Variants in KIAA0319L observed in about 807,000 individuals in gnomAD.
KIAA0319L encodes the protein KIAA0319 like.
In KIAA0319L, 55 loss-of-function variants were observed where a neutral mutation model predicts 120.1. That is an observed-to-expected ratio of 0.46 (90% CI 0.37 to 0.57). KIAA0319L has a LOEUF of 0.57. KIAA0319L is among the 20% of genes least tolerant of loss of function. KIAA0319L has a pLI of 0.00. For synonymous variants in KIAA0319L, 398 were observed against 471.9 expected, an observed-to-expected ratio of 0.84 and a Z score of 2.03; for missense variants, 1,049 against 1,255.3, an observed-to-expected ratio of 0.84 and a Z score of 2.48.
At chr1:35,470,713 T>A in intron 6 of KIAA0319L, 150 bp downstream of exon 6, 1 of 612,298 alleles carries the variant, frequency 1.6e-6, no homozygotes, top group Admixed American at 2.6e-5. Context: ...CACTAACAAA[T>A]ACTGGATGTC....
At chr1:35,530,525 T>C (rs1646323609) in intron 2 of KIAA0319L, among the ~76,000 whole-genome samples, 1 of 152,218 alleles carries the variant, frequency 6.6e-6, no homozygotes, top group African/African-American at 2.4e-5. Flanking sequence ...TGTGTTCCCA[T>C]GCATATCACT....
Position 35,479,124 on chromosome 1 carries a change from G to A in KIAA0319L, c.755C>T (p.Pro252Leu), listed in dbSNP as rs920745651. The A allele has an allele frequency of 3.7e-6, 6 of 1,614,020 alleles. No individual in the cohort carries two copies. Among genetic ancestry groups the A allele is most frequent in the Non-Finnish European group, 3.4e-6 (4 of 1,180,026 alleles). ...SGGPKNVSVQ[P>L]EISEGLATTP... is the part of the protein sequence containing the mutation. ...AGTAGCAAGACCCTCTGATATTTCA[G>A]GTTGCACTGATACATTCTTTGGCCC... Residue 252 changes from proline to leucine, a missense_variant, in exon 4 of 21, where the codon CCT becomes CTT. Transcript: ENST00000325722.
chr1:35,537,194 C>T (rs1012016171), intron 2 of KIAA0319L, among the ~76,000 whole-genome samples: 8 of 152,098 alleles, frequency 5.3e-5, no homozygotes, highest in Non-Finnish European at 1.2e-4. Context: ...TCTACCAATT[C>T]CCTGTGTAGC....
At chr1:35,510,579 TA>T (rs1645392764) in intron 2 of KIAA0319L, 1 of 146,126 alleles carries the variant, frequency 6.8e-6, no homozygotes, top group Non-Finnish European at 1.5e-5. Context: ...ATAAGCCTTT[TA>T]AAAACATTTA....
At chr1:35,492,261 A>G (rs1024953794) in intron 3 of KIAA0319L, among the ~76,000 whole-genome samples, 4 of 152,178 alleles carry the variant, frequency 2.6e-5, no homozygotes, top group African/African-American at 9.7e-5. Flanking sequence ...CACGTCTGTA[A>G]TCCCAGCACT....
Position 35,453,793 on chromosome 1 carries a change from G to T in KIAA0319L, c.1781-104C>A. 2.6e-6 allele frequency: 3 copies of T among 1,151,464 alleles called. No homozygotes were observed. Among genetic ancestry groups the T allele is most frequent in the Non-Finnish European group, 2.4e-6 (2 of 821,590 alleles). The allele number at this position is 1,151,464 out of a possible 1,614,324, so 71.3% of individuals were successfully genotyped here. Reference sequence around the variant, plus strand: ...GGAAGCCATGGACTCTGCCTCTCAGGCCACAGAACTGTCAGATACTGTGGG... The same window carrying T: ...GGAAGCCATGGACTCTGCCTCTCAGTCCACAGAACTGTCAGATACTGTGGG... On this transcript the variant is annotated intron_variant, in intron 11 of 20. Coordinates refer to ENST00000325722, the MANE Select transcript of KIAA0319L (RefSeq NM_024874.5). The surrounding 1 kb of genome is among the most constrained non-coding windows in gnomAD (Gnocchi z 4.1).
At chr1:35,554,196 C>A (rs1008006080) in intron 2 of KIAA0319L, among the ~76,000 whole-genome samples, 154 bp downstream of exon 2, 3 of 152,130 alleles carry the variant, frequency 2.0e-5, no homozygotes, top group Non-Finnish European at 4.4e-5. Flanking sequence ...AATAAATAAA[C>A]CCAACAGACC....
chr1:35,449,717 A>G (rs543341418), intron 15 of KIAA0319L, 150 bp downstream of exon 15: 2 of 774,876 alleles, frequency 2.6e-6, no homozygotes, highest in East Asian at 2.7e-5. Flanking sequence ...GACGGTCTCT[A>G]TGGATTTTTC....
Position 35,449,996 on chromosome 1 carries a change from T to A in KIAA0319L, c.2224A>T (p.Asn742Tyr). 1 of 1,614,166 alleles carries A rather than the reference T, an allele frequency of 6.2e-7. No individual in the cohort carries two copies. Among genetic ancestry groups the A allele is most frequent in the Middle Eastern group, 1.6e-4 (1 of 6,062 alleles). ...EGSPAAGEVL[N>Y]HSDHHPILFL... ...AGGATAGGGTGATGGTCAGAGTGATTTAACACCTCCTGTAGGGTTGAACAA... is the reference window on the plus strand; with the variant it reads ...AGGATAGGGTGATGGTCAGAGTGATATAACACCTCCTGTAGGGTTGAACAA... The change falls in exon 15 of 21, where the codon AAT (asparagine) becomes TAT (tyrosine). Residue 742 changes from asparagine (N) to tyrosine (Y), a missense_variant. By Grantham distance (143) the Asn-to-Tyr change is moderately radical. Transcript: ENST00000325722.
At chr1:35,509,594 C>T (rs930117866) in intron 2 of KIAA0319L, 6 of 152,304 alleles carry the variant, frequency 3.9e-5, no homozygotes, top group African/African-American at 1.4e-4. Context: ...AATTCCACCT[C>T]CAGTCTCCAA....
Position 35,441,092 on chromosome 1 carries a change from C to T in KIAA0319L, c.2917G>A (p.Ala973Thr). The T allele has an allele frequency of 6.2e-7, 1 of 1,614,210 alleles. No individual in the cohort carries two copies. The highest frequency in any genetic ancestry group is 8.5e-7 in the Non-Finnish European group (1 of 1,180,036). Reference protein sequence around the residue: ...KRKSKYKILDATDQESLELKP... With the variant: ...KRKSKYKILDTTDQESLELKP... ...AGCTCCAGGCTTTCCTGATCCGTGG[C>T]ATCCAGGATCTTGTACTTGCTTTTC... Residue 973 changes from alanine (A) to threonine (T), a missense_variant, in exon 20 of 21, where the codon GCC (alanine) becomes ACC (threonine). Coordinates refer to ENST00000325722, the MANE Select transcript of KIAA0319L (RefSeq NM_024874.5).
intron 3 of KIAA0319L, among the ~76,000 whole-genome samples, chr1:35,503,453 G>A (rs1054424791): frequency 2.0e-5 from 3 of 152,190 alleles, no homozygotes; most frequent in Non-Finnish European, 4.4e-5. Flanking sequence ...GACCTACCGA[G>A]TCAGAAACTA....
At chr1:35,435,134 C>T in intron 20 of KIAA0319L, 53 bp from the exon 21 acceptor site, 1 of 1,518,318 alleles carries the variant, frequency 6.6e-7, no homozygotes, top group Admixed American at 1.7e-5. Flanking sequence ...AAGGCTGGAG[C>T]CACCCCCACA....
At chr1:35,523,789 A>G (rs1039996869) in intron 2 of KIAA0319L, among the ~76,000 whole-genome samples, 7 of 152,356 alleles carry the variant, frequency 4.6e-5, no homozygotes, top group African/African-American at 1.7e-4. Context: ...GAGGAAAAAC[A>G]GTGTCTTTTT....
intron 3 of KIAA0319L, among the ~76,000 whole-genome samples, chr1:35,498,754 TA>T (rs1308934491): frequency 6.6e-6 from 1 of 152,204 alleles, no homozygotes; most frequent in Non-Finnish European, 1.5e-5. Flanking sequence ...ACAATCCATA[TA>T]GGGGTCCTCC....
At chr1:35,441,917 TAAAGA>T (rs769150788) in intron 19 of KIAA0319L, among the ~76,000 whole-genome samples, 6 of 151,940 alleles carry the variant, frequency 3.9e-5, no homozygotes, top group Non-Finnish European at 8.8e-5. Context: ...TGTGGTGCAT[TAAAGA>T]AAACACACCT....
At chr1:35,468,305 A>C (rs1417360442) in intron 6 of KIAA0319L, among the ~76,000 whole-genome samples, 1 of 151,828 alleles carries the variant, frequency 6.6e-6, no homozygotes, top group Non-Finnish European at 1.5e-5. Context: ...TCTACCCTCC[A>C]TCCCTTAAAT....
At chr1:35,486,884 C>T (rs186543808) in intron 3 of KIAA0319L, among the ~76,000 whole-genome samples, 1 of 152,224 alleles carries the variant, frequency 6.6e-6, no homozygotes, top group African/African-American at 2.4e-5. Flanking sequence ...GCACTCCAGC[C>T]TGGGCAACAG....
chr1:35,474,998 A>T, intron 4 of KIAA0319L, 92 bp from the exon 5 acceptor site: 1 of 732,834 alleles, frequency 1.4e-6, no homozygotes, highest in Non-Finnish European at 2.3e-6. Context: ...TTTCATGATC[A>T]ATATTCAGCT....
Sources: gnomAD v4.1 joint callset for allele counts (sites outside exome capture counted in the v4.1 genomes callset) on GRCh38, gnomAD v4.1.1 for gene constraint, Gnocchi (gnomAD v3.1) non-coding constraint, MANE v1.5 for transcripts, NCBI Gene and HGNC (gene_info 2026-07-23, HGNC 2026-07-21) for gene names.